The following CDK19 variants were observed in gnomAD, a reference collection of about 807,000 sequenced individuals.
CDK19 encodes cyclin-dependent kinase 19.
Under a neutral mutation model 68.3 loss-of-function variants are expected in CDK19, and 20 were observed. The ratio of observed to expected loss-of-function variants is 0.29; its 90% CI spans 0.21 to 0.43. CDK19 has a LOEUF of 0.43. Ranked by LOEUF, CDK19 falls within the 20% of genes least tolerant of loss-of-function variation. The probability of loss-of-function intolerance (pLI) is 1.00; values close to 1 mark genes in which losing one functional copy is unlikely to be tolerated. For synonymous variants in CDK19, 221 were observed against 222.8 expected, an observed-to-expected ratio of 0.99 and a Z score of 0.07; for missense variants, 339 against 623.5, an observed-to-expected ratio of 0.54 and a Z score of 4.86.
At position 110,759,450 on chromosome 6, in the gene CDK19, T is replaced by A. The variant is rs866430957; in HGVS notation, c.129-13249A>T. ...AAAAATATATATATATATATATATATAAATTAGCCAGGCATAGTAGCACAT... is the reference window on the plus strand; with the variant it reads ...AAAAATATATATATATATATATATAAAAATTAGCCAGGCATAGTAGCACAT... On this transcript the variant is annotated intron_variant, in intron 1 of 12. Transcript: ENST00000368911. 5.9e-3 allele frequency among the ~76,000 whole-genome samples: 675 copies of A among 114,248 alleles called. 11 individuals carry two copies. The highest frequency in any genetic ancestry group is 0.023 in the African/African-American group (655 of 28,548). 75.0% of individuals were successfully genotyped at this position (114,248 alleles called of 152,430 possible). A position where few individuals can be genotyped will look rare whatever the true frequency, so the allele number is the denominator to read the frequency against.
At chr6:110,729,641 C>G (rs1365490902) in intron 2 of CDK19, among the ~76,000 whole-genome samples, 1 of 141,552 alleles carries the variant, frequency 7.1e-6, no homozygotes, top group Non-Finnish European at 1.5e-5. Context: ...TGGGGTTTCA[C>G]TATGTTGGCC....
rs1783550213 is a variant in CDK19 at position 110,815,289 on chromosome 6, T to G, written c.-153A>C. 1 of 830,278 alleles carries G rather than the reference T, an allele frequency of 1.2e-6. No individual in the cohort carries two copies. Among genetic ancestry groups the G allele is most frequent in the South Asian group, 2.8e-5 (1 of 35,282 alleles). The allele number at this position is 830,278 out of a possible 1,614,324, so 51.4% of individuals were successfully genotyped here. ...GCCGCCCGCCGCTCCGCGGTCCGCC[T>G]TCAGCAAGGGACTCCTCGGCGGCCA... On this transcript the variant is annotated 5_prime_UTR_variant, in exon 1 of 13. Coordinates refer to ENST00000368911, the MANE Select transcript of CDK19 (RefSeq NM_015076.5).
Position 110,612,804 on chromosome 6 carries a change from C to T in CDK19, c.*1731G>A, listed in dbSNP as rs999879937. ...CTTCATCTTCAGTCTTGATGAGTGT[C>T]ACTATGCAGACTTCATTATTAGTGA... On this transcript the variant is annotated 3_prime_UTR_variant, in exon 13 of 13. Transcript: ENST00000368911. The T allele has an allele frequency of 3.3e-5, 5 of 152,604 alleles. No individual in the cohort carries two copies. Among genetic ancestry groups the T allele is most frequent in the African/African-American group, 7.2e-5 (3 of 41,450 alleles). 9.5% of individuals were successfully genotyped at this position (152,604 alleles called of 1,614,324 possible).
chr6:110,768,822 T>C (rs1779770094), intron 1 of CDK19, among the ~76,000 whole-genome samples: 2 of 152,062 alleles, frequency 1.3e-5, no homozygotes, highest in Admixed American at 6.6e-5. Flanking sequence ...TACACATTTA[T>C]CAAAACCCAT....
At chr6:110,758,482 A>G (rs1778980164) in intron 1 of CDK19, among the ~76,000 whole-genome samples, 1 of 152,128 alleles carries the variant, frequency 6.6e-6, no homozygotes, top group South Asian at 2.1e-4. Flanking sequence ...CCCATCCCCA[A>G]ATGAGGAAGG....
At chr6:110,786,417 T>C (rs1408035002) in intron 1 of CDK19, among the ~76,000 whole-genome samples, 1 of 152,186 alleles carries the variant, frequency 6.6e-6, no homozygotes, top group East Asian at 1.9e-4. Flanking sequence ...TCATAAACCC[T>C]GTGAAGTCAT....
chr6:110,795,252 T>C (rs1188065456), intron 1 of CDK19, among the ~76,000 whole-genome samples: 1 of 152,224 alleles, frequency 6.6e-6, no homozygotes, highest in Admixed American at 6.5e-5. Context: ...ATTACAAGTG[T>C]GAGTCACCAT....
chr6:110,756,934 A>C (rs1299500406), intron 1 of CDK19, among the ~76,000 whole-genome samples: 1 of 152,224 alleles, frequency 6.6e-6, no homozygotes, highest in Non-Finnish European at 1.5e-5. Flanking sequence ...ACTGGAGTTC[A>C]GAAAAGAGAA....
intron 1 of CDK19, among the ~76,000 whole-genome samples, chr6:110,778,875 G>A (rs1780601772): frequency 6.6e-6 from 1 of 152,122 alleles, no homozygotes; most frequent in Non-Finnish European, 1.5e-5. Flanking sequence ...ATGGTGGATG[G>A]CACTCCAGCA....
At chr6:110,771,634 G>A (rs9487515) in intron 1 of CDK19, among the ~76,000 whole-genome samples, 76 of 152,270 alleles carry the variant, frequency 5.0e-4, no homozygotes, top group African/African-American at 1.6e-3. Context: ...AATTTTTACA[G>A]CTGGCTCCCA....
chr6:110,634,260 A>G (rs559551163), intron 5 of CDK19, among the ~76,000 whole-genome samples: 41 of 152,322 alleles, frequency 2.7e-4, no homozygotes, highest in Non-Finnish European at 5.6e-4. Context: ...TCTGTTGCCC[A>G]GGCTGGAGTG....
intron 2 of CDK19, among the ~76,000 whole-genome samples, chr6:110,680,482 T>C (rs1771910756): frequency 6.6e-6 from 1 of 152,176 alleles, no homozygotes; most frequent in African/African-American, 2.4e-5. Flanking sequence ...CACAAGAGTG[T>C]ATTCACTACC....
chr6:110,703,325 G>T (rs1774166822), intron 2 of CDK19, among the ~76,000 whole-genome samples: 1 of 152,010 alleles, frequency 6.6e-6, no homozygotes, highest in African/African-American at 2.4e-5. Flanking sequence ...ACTTTGAATA[G>T]GGTGCTTAGG....
At chr6:110,726,490 T>G (rs1451321842) in intron 2 of CDK19, among the ~76,000 whole-genome samples, 1 of 152,094 alleles carries the variant, frequency 6.6e-6, no homozygotes, top group African/African-American at 2.4e-5. Flanking sequence ...GATATACAAG[T>G]AATGCCTGAA....
chr6:110,787,051 A>C (rs1053940201), intron 1 of CDK19, among the ~76,000 whole-genome samples: 1 of 152,016 alleles, frequency 6.6e-6, no homozygotes, highest in Admixed American at 6.6e-5. Flanking sequence ...CATTTTTTCC[A>C]GAATAAGGCC....
chr6:110,714,277 A>G (rs1322888612), intron 2 of CDK19, among the ~76,000 whole-genome samples: 2 of 152,238 alleles, frequency 1.3e-5, no homozygotes, highest in East Asian at 1.9e-4. Context: ...ATATTCCCTT[A>G]TATGGATATA....
intron 2 of CDK19, among the ~76,000 whole-genome samples, chr6:110,707,873 G>C (rs1042961737): frequency 3.9e-5 from 6 of 152,148 alleles, no homozygotes; most frequent in Non-Finnish European, 7.4e-5. Flanking sequence ...TTGGGAGGCT[G>C]AGGCAGGTGA....
At chr6:110,620,160 A>G (rs1778614446) in intron 12 of CDK19, among the ~76,000 whole-genome samples, 1 of 152,120 alleles carries the variant, frequency 6.6e-6, no homozygotes, top group African/African-American at 2.4e-5. Context: ...GAAGTTTTTC[A>G]GAGTAGTTGT....
chr6:110,710,880 A>C (rs1291129429), intron 2 of CDK19, among the ~76,000 whole-genome samples: 1 of 152,228 alleles, frequency 6.6e-6, no homozygotes, highest in Admixed American at 6.5e-5. Flanking sequence ...CTAATCTACA[A>C]GGCTACAGAC....
Sources: gnomAD v4.1 joint callset for allele counts (sites outside exome capture counted in the v4.1 genomes callset) on GRCh38, gnomAD v4.1.1 for gene constraint, MANE v1.5 for transcripts, NCBI Gene and HGNC (gene_info 2026-07-23, HGNC 2026-07-21) for gene names.